IL1RL1: variants seen among roughly 807,000 people sequenced by gnomAD.
IL1RL1 encodes interleukin 1 receptor like 1.
Under a neutral mutation model 50.9 loss-of-function variants are expected in IL1RL1, and 32 were observed. The observed-to-expected ratio is 0.63, with a 90% CI of 0.47 to 0.84. The LOEUF (loss-of-function observed/expected upper bound fraction) is 0.84. Ranked by LOEUF, IL1RL1 falls within the 40% of genes least tolerant of loss-of-function variation. The pLI is 0.00. For missense variants in IL1RL1, 773 were observed against 662.9 expected, an observed-to-expected ratio of 1.17 and a Z score of -1.82; for synonymous variants, 275 against 236.0, an observed-to-expected ratio of 1.17 and a Z score of -1.51.
intron 1 of IL1RL1, among the ~76,000 whole-genome samples, chr2:102,330,235 CA>C (rs1677134621): frequency 6.6e-6 from 1 of 151,632 alleles, no homozygotes; most frequent in African/African-American, 2.4e-5. Flanking sequence ...CAAACTATCG[CA>C]AGGACAAAAA....
At position 102,339,043 on chromosome 2, in the gene IL1RL1, A is replaced by G. The variant is rs1385510406; in HGVS notation, c.268A>G (p.Arg90Gly). ...TTCTGGTATTTATACCTGTATTGTC[A>G]GAAGGTATTATGCAGAAGGCTCCCA... ...ADSGIYTCIV[R>G]SPTFNRTGYA... The change falls in exon 3 of 11, where the codon AGA (arginine) becomes GGA (glycine). Residue 90 changes from arginine (R) to glycine (G), a missense_variant. Transcript: ENST00000233954. 8 of 1,608,066 alleles carry G rather than the reference A, an allele frequency of 5.0e-6. No homozygotes were observed. Among genetic ancestry groups the G allele is most frequent in the Admixed American group, 1.7e-5 (1 of 59,950 alleles).
chr2:102,344,217 A>T (rs1467517228), intron 8 of IL1RL1: 2 of 159,458 alleles, frequency 1.3e-5, no homozygotes, highest in African/African-American at 4.8e-5. Context: ...CATCAAAGAG[A>T]TGGTGCTAAA....
chr2:102,341,297 A>G, intron 5 of IL1RL1: 1 of 1,252,448 alleles, frequency 8.0e-7, no homozygotes, highest in Non-Finnish European at 1.0e-6. Context: ...GTGTACATAA[A>G]TGTTGTCGAG....
At chr2:102,335,287 C>G (rs1450838112) in intron 1 of IL1RL1, among the ~76,000 whole-genome samples, 1 of 152,148 alleles carries the variant, frequency 6.6e-6, no homozygotes, top group Non-Finnish European at 1.5e-5. Flanking sequence ...AAATTATAGA[C>G]TAGCTTATTT....
chr2:102,348,186 A>T, intron 9 of IL1RL1, 95 bp downstream of exon 9: 1 of 982,182 alleles, frequency 1.0e-6, no homozygotes, highest in Non-Finnish European at 1.5e-6. Flanking sequence ...TAGGCTGCTA[A>T]GCCCAGATTC....
chr2:102,338,737 G>T (rs1007831452), intron 2 of IL1RL1, 100 bp from the exon 3 acceptor site: 2 of 863,472 alleles, frequency 2.3e-6, no homozygotes, highest in African/African-American at 3.4e-5. Context: ...GTATATGACC[G>T]GCTTCTAAAT....
intron 1 of IL1RL1, chr2:102,313,536 G>A (rs1176123149): frequency 1.3e-5 from 2 of 152,150 alleles, no homozygotes; most frequent in Non-Finnish European, 1.5e-5. Context: ...TTCAGTTTTC[G>A]GATACCTGTT....
At position 102,338,356 on chromosome 2, in the gene IL1RL1, T is replaced by G. The variant is rs747318461; in HGVS notation, c.61+31T>G. Reference sequence around the variant, plus strand: ...TATTGCCTTCTAAGTATAATTTAAATTTTTATAAATTAAATAATTTCAAGA... The same window carrying G: ...TATTGCCTTCTAAGTATAATTTAAAGTTTTATAAATTAAATAATTTCAAGA... On this transcript the variant is annotated intron_variant, in intron 2 of 10. Transcript: ENST00000233954. 4.9e-6 allele frequency: 6 copies of G among 1,229,228 alleles called. No individual in the cohort carries two copies. The East Asian group carries it at 1.3e-4, about 26-fold the overall frequency. The allele number at this position is 1,229,228 out of a possible 1,614,324, so 76.1% of individuals were successfully genotyped here.
chr2:102,348,528 C>G (rs896482122), intron 9 of IL1RL1, among the ~76,000 whole-genome samples: 1 of 152,138 alleles, frequency 6.6e-6, no homozygotes, highest in Admixed American at 6.5e-5. Context: ...AAGTCTAACC[C>G]AGGCACACAA....
Position 102,336,919 on chromosome 2 carries a change from T to C in IL1RL1, c.-149-1197T>C, listed in dbSNP as rs1484930598. 2.6e-5 allele frequency among the ~76,000 whole-genome samples: 4 copies of C among 152,156 alleles called. 1 individual carries two copies. The South Asian group carries it at 8.3e-4, about 31-fold the overall frequency. On this transcript the variant is annotated intron_variant, in intron 1 of 10. Transcript: ENST00000233954. ...GCTTTCCTGAGTGGTGTCTGCCAAA[T>C]GAGGAGTCAAGGAATATCTGGAAAG...
rs1463363142 is a variant in IL1RL1 at position 102,343,080 on chromosome 2, A to T, written c.727A>T (p.Thr243Ser). ...TTGCTCTGCTTGTTTTGGAAAAGGC[A>T]CTCAGTTCTTGGCTGCCGTCCTGTG... Reference protein sequence around the residue: ...LTCSACFGKGTQFLAAVLWQL... With the variant: ...LTCSACFGKGSQFLAAVLWQL... Residue 243 changes from threonine (T) to serine (S), a missense_variant, in exon 7 of 11, where the codon ACT (threonine) becomes TCT (serine). Transcript: ENST00000233954. The T allele has an allele frequency of 6.8e-6, 11 of 1,614,096 alleles. No homozygotes were observed. The highest frequency in any genetic ancestry group is 9.3e-6 in the Non-Finnish European group (11 of 1,179,992).
chr2:102,346,513 C>T (rs900440711), intron 8 of IL1RL1, among the ~76,000 whole-genome samples: 5 of 152,116 alleles, frequency 3.3e-5, no homozygotes, highest in Admixed American at 2.6e-4. Flanking sequence ...TGTCTTGGAT[C>T]AACTTCTTTC....
In IL1RL1 at chr2:102,349,211, T is replaced by C. The variant is rs769757624; in HGVS notation, c.1250T>C (p.Leu417Ser). The stretch of plus-strand genomic sequence containing the variant: ...CTTGAAAATAAATGTGGCTATACCT[T>C]ATGCATTTATGGGAGAGATATGCTA... ...DVLENKCGYTLCIYGRDMLPG... is the reference protein window; with the variant it reads ...DVLENKCGYTSCIYGRDMLPG... The change falls in exon 10 of 11, where the codon TTA becomes TCA. Residue 417 changes from leucine to serine, a missense_variant. Leu to Ser is a moderately radical substitution (Grantham distance 145). Coordinates refer to ENST00000233954, the MANE Select transcript of IL1RL1 (RefSeq NM_016232.5). 6.2e-7 allele frequency: 1 copy of C among 1,613,884 alleles called. No individual in the cohort carries two copies. Among genetic ancestry groups the C allele is most frequent in the South Asian group, 1.1e-5 (1 of 91,078 alleles).
chr2:102,317,320 C>T (rs1362162532), intron 1 of IL1RL1, among the ~76,000 whole-genome samples: 3 of 152,096 alleles, frequency 2.0e-5, no homozygotes, highest in Non-Finnish European at 4.4e-5. Context: ...CGCCACCGCA[C>T]TCCAGCCTGG....
intron 1 of IL1RL1, among the ~76,000 whole-genome samples, chr2:102,315,148 G>A (rs994891551): frequency 4.6e-5 from 7 of 152,120 alleles, no homozygotes; most frequent in African/African-American, 1.7e-4. Flanking sequence ...GAGTCATTGA[G>A]TAATGGGGCC....
intron 9 of IL1RL1, among the ~76,000 whole-genome samples, chr2:102,348,791 A>G (rs1339968343): frequency 6.6e-6 from 1 of 152,234 alleles, no homozygotes; most frequent in African/African-American, 2.4e-5. Context: ...AGGCCCCCTT[A>G]GTCATAGATT....
intron 4 of IL1RL1, 77 bp from the exon 5 acceptor site, chr2:102,340,589 G>T: frequency 6.9e-7 from 1 of 1,456,408 alleles, no homozygotes; most frequent in Non-Finnish European, 9.4e-7. Context: ...TCCAGCCTAG[G>T]CAACAAACAT....
intron 1 of IL1RL1, among the ~76,000 whole-genome samples, chr2:102,319,420 A>G (rs527638474): frequency 4.2e-4 from 64 of 152,326 alleles, no homozygotes; most frequent in Non-Finnish European, 9.0e-4. Flanking sequence ...GCAGTCACAG[A>G]AGAGAAACAG....
At chr2:102,351,506 A>G in intron 10 of IL1RL1, 30 bp from the exon 11 acceptor site, 1 of 1,589,060 alleles carries the variant, frequency 6.3e-7, no homozygotes, top group Non-Finnish European at 8.6e-7. Context: ...TAGACTGATA[A>G]GAAATCTGAT....
Sources: allele counts gnomAD v4.1 joint callset (sites outside exome capture counted in the v4.1 genomes callset), GRCh38; gene constraint gnomAD v4.1.1; transcripts MANE v1.5; gene names NCBI Gene and HGNC (gene_info 2026-07-23, HGNC 2026-07-21).